ATCAY: variants seen among roughly 807,000 people sequenced by gnomAD.
ATCAY encodes ATCAY kinesin light chain interacting caytaxin.
ATCAY carries 22 observed loss-of-function variants against 47.7 expected under a neutral mutation model. That is an observed-to-expected ratio of 0.46 (90% CI 0.33 to 0.66). The LOEUF is 0.66. ATCAY is among the 30% of genes least tolerant of loss of function. The pLI is 0.02. For synonymous variants in ATCAY, 216 were observed against 207.6 expected (o/e 1.04, Z -0.35); for missense variants, 452 against 515.0 (o/e 0.88, Z 1.18).
intron 12 of ATCAY, among the ~76,000 whole-genome samples, chr19:3,921,833 G>C (rs184832855): frequency 6.6e-6 from 1 of 151,748 alleles, no homozygotes; most frequent in Admixed American, 6.6e-5. Flanking sequence ...GGAGGCGGAG[G>C]TTGCAGTGAG....
At position 3,890,143 on chromosome 19, in the gene ATCAY, C is replaced by T. The variant is rs539864156; in HGVS notation, c.77+4299C>T. ...ATTTTTAGTAGAGACGAGGTTTCAC[C>T]GTGTTGGCCAGGCTGGTCTCGAACT... On this transcript the variant is annotated intron_variant, in intron 2 of 12. Coordinates refer to ENST00000450849, the MANE Select transcript of ATCAY (RefSeq NM_033064.5). 2.1e-3 allele frequency among the ~76,000 whole-genome samples: 317 copies of T among 150,776 alleles called. 1 individual carries two copies. The highest frequency in any genetic ancestry group is 7.5e-3 in the African/African-American group (306 of 41,058).
intron 4 of ATCAY, among the ~76,000 whole-genome samples, 182 bp downstream of exon 4, chr19:3,905,837 G>C (rs558397664): frequency 6.6e-6 from 1 of 152,086 alleles, no homozygotes; most frequent in Non-Finnish European, 1.5e-5. Flanking sequence ...CTCCAGCCTG[G>C]ACAACAGAGT....
chr19:3,885,252 C>G (rs759239484), intron 1 of ATCAY, among the ~76,000 whole-genome samples: 2 of 151,010 alleles, frequency 1.3e-5, no homozygotes, highest in Non-Finnish European at 2.9e-5. Context: ...AACCCCGTCT[C>G]TATTAAAAAT....
chr19:3,900,889 C>G, intron 2 of ATCAY, among the ~76,000 whole-genome samples: 1 of 141,978 alleles, frequency 7.0e-6, no homozygotes, highest in South Asian at 2.4e-4. Context: ...CAGAGTTATC[C>G]TTCATCTTTT....
chr19:3,892,491 G>A (rs1436677387), intron 2 of ATCAY, among the ~76,000 whole-genome samples: 1 of 152,122 alleles, frequency 6.6e-6, no homozygotes, highest in African/African-American at 2.4e-5. Context: ...ATGAGCCACT[G>A]CGCCTGGCCT....
intron 2 of ATCAY, 35 bp from the exon 3 acceptor site, chr19:3,902,452 C>A: frequency 6.4e-7 from 1 of 1,555,378 alleles, no homozygotes. Context: ...CTCTGGTGCC[C>A]GGCGACTGAT....
At chr19:3,901,368 A>C (rs960370855) in intron 2 of ATCAY, among the ~76,000 whole-genome samples, 1 of 152,108 alleles carries the variant, frequency 6.6e-6, no homozygotes, top group Non-Finnish European at 1.5e-5. Flanking sequence ...ATATTTCATT[A>C]TTTATTTGGT....
chr19:3,881,693 A>AG (rs1449484490), intron 1 of ATCAY, among the ~76,000 whole-genome samples: 1 of 32,296 alleles, frequency 3.1e-5, no homozygotes, highest in East Asian at 7.9e-4. Flanking sequence ...TGCAGCTGGC[A>AG]GGGGGTGGGG....
At chr19:3,917,421 A>G (rs2038975066) in intron 9 of ATCAY, among the ~76,000 whole-genome samples, 2 of 151,768 alleles carry the variant, frequency 1.3e-5, no homozygotes, top group African/African-American at 2.4e-5. Flanking sequence ...CGTCTGTACT[A>G]AAAATACAAA....
chr19:3,921,905 A>AC (rs1299078862), intron 12 of ATCAY, among the ~76,000 whole-genome samples: 2 of 151,314 alleles, frequency 1.3e-5, no homozygotes, highest in Middle Eastern at 3.4e-3. Flanking sequence ...TAAAAAAAAA[A>AC]AAACAAAAAA....
At chr19:3,908,036 G>C in intron 5 of ATCAY, 117 bp downstream of exon 5, 1 of 1,369,126 alleles carries the variant, frequency 7.3e-7, no homozygotes, top group Non-Finnish European at 1.0e-6. Context: ...CTCGCTTCGG[G>C]TGGACGGACT....
At chr19:3,885,600 G>A (rs996304067) in intron 1 of ATCAY, 127 bp from the exon 2 acceptor site, 50 of 583,802 alleles carry the variant, frequency 8.6e-5, no homozygotes, top group South Asian at 7.6e-4. Context: ...GGAGAAAGGA[G>A]AGAGGGGGAG....
At position 3,913,807 on chromosome 19, in the gene ATCAY, G is replaced by C. The variant is rs1568451521; in HGVS notation, c.916G>C (p.Glu306Gln). Residue 306 changes from glutamate to glutamine, a missense_variant, in exon 9 of 13, where the codon GAG becomes CAG. Coordinates refer to ENST00000450849, the MANE Select transcript of ATCAY (RefSeq NM_033064.5). ...GTACGTGCACAGCTTGGAAGACCTG[G>C]AGCAACTCATCCCTATGGAACACGT... ...IQYVHSLEDL[E>Q]QLIPMEHVQI... The C allele has an allele frequency of 6.2e-7, 1 of 1,613,842 alleles. No homozygotes were observed. The highest frequency in any genetic ancestry group is 8.5e-7 in the Non-Finnish European group (1 of 1,179,860).
At position 3,918,806 on chromosome 19, in the gene ATCAY, C is replaced by T. The variant is rs767813874; in HGVS notation, c.1002C>T (p.Ser334=). 1.4e-5 allele frequency: 22 copies of T among 1,613,888 alleles called. No homozygotes were observed. Among genetic ancestry groups the T allele is most frequent in the Admixed American group, 8.3e-5 (5 of 60,010 alleles). ...EEERLKARRE[S]ARPQPEFVLP... ...GTCACCTCGTTCTCTCTGTCCACAGCGCGAGGCCCCAGCCGGAGTTTGTGC... is the reference window on the plus strand; with the variant it reads ...GTCACCTCGTTCTCTCTGTCCACAGTGCGAGGCCCCAGCCGGAGTTTGTGC... Residue 334 remains serine, a splice_region_variant and synonymous_variant, in exon 11 of 13, where the codon AGC becomes AGT. Coordinates refer to ENST00000450849, the MANE Select transcript of ATCAY (RefSeq NM_033064.5).
chr19:3,885,715 G>A lies in ATCAY; in HGVS notation c.-41-12G>A. The A allele has an allele frequency of 6.7e-7, 1 of 1,494,754 alleles. No individual in the cohort carries two copies. The highest frequency in any genetic ancestry group is 9.1e-7 in the Non-Finnish European group (1 of 1,097,706). 92.6% of individuals were successfully genotyped at this position (1,494,754 alleles called of 1,614,324 possible). The stretch of plus-strand genomic sequence containing the variant: ...GTCCAGTAAAACCCATTCCTCTGCG[G>A]CTTCCTTTCAGGGGTCATCCCTGCT... On this transcript the variant is annotated splice_polypyrimidine_tract_variant and intron_variant, in intron 1 of 12. Coordinates refer to ENST00000450849, the MANE Select transcript of ATCAY (RefSeq NM_033064.5).
chr19:3,902,649 G>A, intron 3 of ATCAY, 104 bp downstream of exon 3: 2 of 1,274,716 alleles, frequency 1.6e-6, no homozygotes, highest in Non-Finnish European at 2.2e-6. Flanking sequence ...CACACACCGT[G>A]GGTAGAATGT....
intron 2 of ATCAY, among the ~76,000 whole-genome samples, chr19:3,886,798 C>T (rs2038660793): frequency 6.7e-6 from 1 of 149,998 alleles, no homozygotes; most frequent in Admixed American, 6.7e-5. Flanking sequence ...ACTGCAACCT[C>T]CAGGTCCTGG....
At chr19:3,903,817 A>T (rs928035695) in intron 3 of ATCAY, among the ~76,000 whole-genome samples, 1 of 143,116 alleles carries the variant, frequency 7.0e-6, no homozygotes, top group Admixed American at 7.1e-5. Context: ...GAGCCACTGC[A>T]CCCGGCCGCC....
rs116813246 is a variant in ATCAY, at chr19:3,925,099, G to C, written c.*507G>C. 0.018 allele frequency: 2,744 copies of C among 155,062 alleles called. 84 individuals carry two copies. Among genetic ancestry groups the C allele is most frequent in the African/African-American group, 0.063 (2,620 of 41,504 alleles). The allele number at this position is 155,062 out of a possible 1,614,324, so 9.6% of individuals were successfully genotyped here. A position where few individuals can be genotyped will look rare whatever the true frequency, so the allele number is the denominator to read the frequency against. The stretch of plus-strand genomic sequence containing the variant: ...CTAGAAGCTCAACCCCCCTATGAGG[G>C]CCACGTCCTGGGGTAGCTCCTGACC... On this transcript the variant is annotated 3_prime_UTR_variant, in exon 13 of 13. Transcript: ENST00000450849. The surrounding 1 kb of genome is among the most constrained non-coding windows in gnomAD (Gnocchi z 4.4).
Sources: allele counts gnomAD v4.1 joint callset (sites outside exome capture counted in the v4.1 genomes callset), GRCh38; gene constraint gnomAD v4.1.1; non-coding constraint Gnocchi (gnomAD v3.1); transcripts MANE v1.5; gene names NCBI Gene and HGNC (gene_info 2026-07-23, HGNC 2026-07-21).